Variants in UPK3A observed in about 807,000 individuals in gnomAD.
UPK3A encodes uroplakin-3a.
Under a neutral mutation model 27.6 loss-of-function variants are expected in UPK3A, and 32 were observed. That is an observed-to-expected ratio of 1.16 (90% CI 0.87 to 1.55). The LOEUF (loss-of-function observed/expected upper bound fraction) is 1.55, where lower values mean the gene tolerates loss of function less well. UPK3A is among the 40% of genes most tolerant of loss of function. The probability of loss-of-function intolerance (pLI) is 0.00; values close to 1 mark genes in which losing one functional copy is unlikely to be tolerated. For synonymous variants in UPK3A, 171 were observed against 163.9 expected (o/e 1.04, Z -0.33); for missense variants, 370 against 367.9 (o/e 1.01, Z -0.05).
At chr22:45,285,811 G>A in intron 1 of UPK3A, 130 bp from the exon 2 acceptor site, 1 of 1,339,030 alleles carries the variant, frequency 7.5e-7, no homozygotes, top group Non-Finnish European at 1.0e-6. Context: ...GTCTGAGACA[G>A]CTTATGCGGT....
intron 5 of UPK3A, among the ~76,000 whole-genome samples, chr22:45,294,055 A>T (rs2084179545): frequency 1.3e-5 from 2 of 151,998 alleles, no homozygotes; most frequent in Admixed American, 1.3e-4. Flanking sequence ...GTGCCGTGGG[A>T]ATCCAGAGGA....
rs761759676 is a variant in UPK3A, at chr22:45,295,628, C to T, written c.773C>T (p.Ser258Leu). 9.9e-6 allele frequency: 16 copies of T among 1,613,872 alleles called. No homozygotes were observed. Among genetic ancestry groups the T allele is most frequent in the African/African-American group, 4.0e-5 (3 of 74,862 alleles). ...ATCACTCAGGAGGCTGTTCCCAAGT[C>T]GCTGGGGGCCTCGGAGTCTTCCTAC... ...SQITQEAVPK[S>L]LGASESSYTS... Residue 258 changes from serine (S) to leucine (L), a missense_variant, in exon 6 of 6, where the codon TCG becomes TTG. Ser to Leu is a moderately radical substitution (Grantham distance 145). Coordinates refer to ENST00000216211, the MANE Select transcript of UPK3A (RefSeq NM_006953.4).
In UPK3A at chr22:45,289,060, G is replaced by A. The variant is rs113688325; in HGVS notation, c.489-1G>A. 3.1e-6 allele frequency: 5 copies of A among 1,613,816 alleles called. No homozygotes were observed. Among genetic ancestry groups the A allele is most frequent in the Admixed American group, 3.3e-5 (2 of 60,028 alleles). On this transcript the variant is annotated splice_acceptor_variant, in intron 3 of 5. Coordinates refer to ENST00000216211, the MANE Select transcript of UPK3A (RefSeq NM_006953.4). LOFTEE classifies it high-confidence loss of function. Reference sequence around the variant, plus strand: ...GTCACCCTGGCTCCGTCTCCTTCCAGGTTCAAGTATGTCCTGGTCAATATG... The same window carrying A: ...GTCACCCTGGCTCCGTCTCCTTCCAAGTTCAAGTATGTCCTGGTCAATATG...
At chr22:45,290,045 A>C (rs1266229113) in intron 4 of UPK3A, among the ~76,000 whole-genome samples, 1 of 152,228 alleles carries the variant, frequency 6.6e-6, no homozygotes, top group Non-Finnish European at 1.5e-5. Flanking sequence ...CCTAAAACCA[A>C]GATGGCAAAG....
Position 45,286,060 on chromosome 22 carries a change from A to G in UPK3A, c.172A>G (p.Thr58Ala). ...TGACAGCAAAGAGGCCCTCACTGGC[A>G]CCCACGAGGTCTACCTGTATGTCCT... is the stretch of plus-strand genomic sequence containing the variant. ...MFDSKEALTG[T>A]HEVYLYVLVD... is the part of the protein sequence containing the mutation. Residue 58 changes from threonine (T) to alanine (A), a missense_variant, in exon 2 of 6, where the codon ACC (threonine) becomes GCC (alanine). Physicochemically the swap from Thr to Ala is moderately conservative, Grantham distance 58. Transcript: ENST00000216211. 3.1e-6 allele frequency: 5 copies of G among 1,614,170 alleles called. No homozygotes were observed. Among genetic ancestry groups the G allele is most frequent in the Non-Finnish European group, 4.2e-6 (5 of 1,180,032 alleles).
At chr22:45,288,950 GGCCCCCGCT>G in intron 3 of UPK3A, 102 bp from the exon 4 acceptor site, 2 of 985,842 alleles carry the variant, frequency 2.0e-6, no homozygotes, top group Non-Finnish European at 3.2e-6. Context: ...CTCCTGGAAG[GGCCCCCGCT>G]GCCGTCTCCC....
Position 45,289,140 on chromosome 22 carries a change from C to A in UPK3A, c.568C>A (p.Gln190Lys). The A allele has an allele frequency of 6.2e-7, 1 of 1,613,976 alleles. No homozygotes were observed. The stretch of plus-strand genomic sequence containing the variant: ...GTGGTCAGACCCCATCCGCACCAAC[C>A]AGCGTAAGTGGTGGGCAGTGGTGGT... ...TLWSDPIRTN[Q>K]LTPYSTIDTW... The change falls in exon 4 of 6, where the codon CAG becomes AAG. Residue 190 changes from glutamine to lysine, a missense_variant. Transcript: ENST00000216211.
chr22:45,287,524 G>A, intron 3 of UPK3A, 73 bp downstream of exon 3: 1 of 1,530,192 alleles, frequency 6.5e-7, no homozygotes. Flanking sequence ...CAGGGGCAAA[G>A]TAGGAGCAGC....
At chr22:45,295,127 C>A in intron 5 of UPK3A, among the ~76,000 whole-genome samples, 1 of 152,084 alleles carries the variant, frequency 6.6e-6, no homozygotes, top group East Asian at 1.9e-4. Flanking sequence ...CTTGGCCTCC[C>A]AAAGTGCTGG....
intron 3 of UPK3A, among the ~76,000 whole-genome samples, chr22:45,288,791 G>A (rs978881864): frequency 5.3e-5 from 8 of 152,186 alleles, no homozygotes; most frequent in African/African-American, 1.7e-4. Flanking sequence ...AAGAGGGAGC[G>A]CCTAGAAGGG....
chr22:45,288,199 G>GTT (rs2084133057), intron 3 of UPK3A, among the ~76,000 whole-genome samples: 1 of 143,968 alleles, frequency 6.9e-6, no homozygotes, highest in East Asian at 2.1e-4. Flanking sequence ...CTCAACTTCT[G>GTT]CTTTTTTTTT....
At chr22:45,288,741 C>T (rs1490257249) in intron 3 of UPK3A, among the ~76,000 whole-genome samples, 1 of 152,116 alleles carries the variant, frequency 6.6e-6, no homozygotes, top group Admixed American at 6.6e-5. Flanking sequence ...GCAACTATGC[C>T]ACGTGTGTTA....
In UPK3A at chr22:45,293,300, G is replaced by A. The variant is rs758703602; in HGVS notation, c.691G>A (p.Ala231Thr). 5.6e-6 allele frequency: 9 copies of A among 1,613,764 alleles called. No individual in the cohort carries two copies. In the African/African-American group the frequency reaches 1.1e-4, roughly 19 times the overall value. Residue 231 changes from alanine to threonine, a missense_variant, in exon 5 of 6, where the codon GCC becomes ACC. Transcript: ENST00000216211. The stretch of plus-strand genomic sequence containing the variant: ...ACTTGTGGGTTTTGCTGGCGCCATT[G>A]CCCTCAGCCTCGTGTAAGTACCTGC... ...FLLVGFAGAI[A>T]LSLVDMGSSD... is the part of the protein sequence containing the mutation.
rs201416292 is a variant in UPK3A at position 45,289,143 on chromosome 22, C to T, written c.571C>T (p.Leu191Phe). The T allele has an allele frequency of 2.8e-5, 45 of 1,613,882 alleles. No individual in the cohort carries two copies. The highest frequency in any genetic ancestry group is 1.5e-4 in the Admixed American group (9 of 60,014). ...GTCAGACCCCATCCGCACCAACCAGCGTAAGTGGTGGGCAGTGGTGGTGGT... is the reference window on the plus strand; with the variant it reads ...GTCAGACCCCATCCGCACCAACCAGTGTAAGTGGTGGGCAGTGGTGGTGGT... ...LWSDPIRTNQLTPYSTIDTWP... is the reference protein window; with the variant it reads ...LWSDPIRTNQFTPYSTIDTWP... Residue 191 changes from leucine (L) to phenylalanine (F), a missense_variant and splice_region_variant, in exon 4 of 6, where the codon CTC (leucine) becomes TTC (phenylalanine). Physicochemically the swap from Leu to Phe is conservative, Grantham distance 22. Coordinates refer to ENST00000216211, the MANE Select transcript of UPK3A (RefSeq NM_006953.4).
At chr22:45,288,232 G>C (rs1290880312) in intron 3 of UPK3A, among the ~76,000 whole-genome samples, 1 of 150,698 alleles carries the variant, frequency 6.6e-6, no homozygotes, top group Non-Finnish European at 1.5e-5. Context: ...TTTCGCTCTT[G>C]TTGCCCAAGG....
chr22:45,289,392 G>A (rs187064181), intron 4 of UPK3A, among the ~76,000 whole-genome samples: 12 of 152,076 alleles, frequency 7.9e-5, no homozygotes, highest in Middle Eastern at 3.4e-3. Context: ...TGGCTCACAC[G>A]GTGAAACCCC....
chr22:45,291,478 G>T (rs1377812891), intron 4 of UPK3A, among the ~76,000 whole-genome samples: 1 of 145,694 alleles, frequency 6.9e-6, no homozygotes, highest in African/African-American at 2.5e-5. Context: ...AGTTTGAGTT[G>T]TGTGATGTGT....
chr22:45,289,577 CAAA>C (rs77091115), intron 4 of UPK3A, among the ~76,000 whole-genome samples: 3 of 80,188 alleles, frequency 3.7e-5, no homozygotes, highest in Non-Finnish European at 7.5e-5. Context: ...GACTCCGTCT[CAAA>C]AAAAAAAAAA....
chr22:45,289,208 C>G lies in UPK3A; in HGVS notation c.571+65C>G, dbSNP rs983662699. 22 of 1,528,544 alleles carry G rather than the reference C, an allele frequency of 1.4e-5. No homozygotes were observed. In the African/African-American group the frequency reaches 2.8e-4, roughly 19 times the overall value. 94.7% of individuals were successfully genotyped at this position (1,528,544 alleles called of 1,614,324 possible). On this transcript the variant is annotated intron_variant, in intron 4 of 5. Transcript: ENST00000216211. ...CCCGAGAAGGCGGGGCCAGCCACGGCGGTGAGAACCAAGGCTCCTCTGTCC... is the reference window on the plus strand; with the variant it reads ...CCCGAGAAGGCGGGGCCAGCCACGGGGGTGAGAACCAAGGCTCCTCTGTCC...
Sources: allele counts gnomAD v4.1 joint callset (sites outside exome capture counted in the v4.1 genomes callset), GRCh38; gene constraint gnomAD v4.1.1; transcripts MANE v1.5; gene names NCBI Gene and HGNC (gene_info 2026-07-23, HGNC 2026-07-21).